Variants in SLCO4C1 observed in about 807,000 individuals in gnomAD.
SLCO4C1 encodes the protein organic anion transporter M1.
In SLCO4C1, 58 loss-of-function variants were observed where a neutral mutation model predicts 72.1. The observed-to-expected ratio is 0.80, with a 90% CI of 0.65 to 1.00. SLCO4C1 has a LOEUF of 1.00. Ranked by LOEUF, SLCO4C1 falls within the 50% of genes least tolerant of loss-of-function variation. The probability of loss-of-function intolerance (pLI) is 0.00; values close to 1 mark genes in which losing one functional copy is unlikely to be tolerated. For missense variants in SLCO4C1, 898 were observed against 857.9 expected (o/e 1.05, Z -0.58); for synonymous variants, 297 against 312.5 (o/e 0.95, Z 0.52).
chr5:102,260,212 C>A lies in SLCO4C1; in HGVS notation c.1128+1G>T. 7.9e-7 allele frequency: 1 copy of A among 1,262,398 alleles called. No individual in the cohort carries two copies. The highest frequency in any genetic ancestry group is 2.2e-5 in the South Asian group (1 of 44,500). The allele number at this position is 1,262,398 out of a possible 1,614,324, so 78.2% of individuals were successfully genotyped here. A position where few individuals can be genotyped will look rare whatever the true frequency, so the allele number is the denominator to read the frequency against. On this transcript the variant is annotated splice_donor_variant, in intron 6 of 12. Transcript: ENST00000310954. LOFTEE classifies it high-confidence loss of function. The stretch of plus-strand genomic sequence containing the variant: ...AGAGACAGAGAAGAATTTTATTTTA[C>A]CTTTAGAGCAGCTGGAAAATCTTTA...
At chr5:102,284,654 T>C (rs985157219) in intron 2 of SLCO4C1, among the ~76,000 whole-genome samples, 1 of 152,026 alleles carries the variant, frequency 6.6e-6, no homozygotes, top group Non-Finnish European at 1.5e-5. Context: ...TCCAAACTCA[T>C]TCAACCATTG....
chr5:102,242,912 A>G (rs535060188), intron 10 of SLCO4C1, among the ~76,000 whole-genome samples: 12 of 152,228 alleles, frequency 7.9e-5, no homozygotes, highest in African/African-American at 2.6e-4. Context: ...GGAGTCCCCA[A>G]TTCCAGAACT....
intron 2 of SLCO4C1, among the ~76,000 whole-genome samples, chr5:102,290,335 C>CA (rs998047122): frequency 6.6e-6 from 1 of 152,208 alleles, no homozygotes; most frequent in African/African-American, 2.4e-5. Flanking sequence ...CGTGAGCCCC[C>CA]ACGCCTAGCT....
chr5:102,287,182 C>T lies in SLCO4C1; in HGVS notation c.619+4161G>A, dbSNP rs1749468654. On this transcript the variant is annotated intron_variant, in intron 2 of 12. Coordinates refer to ENST00000310954, the MANE Select transcript of SLCO4C1 (RefSeq NM_180991.5). ...AATTTACAGGAAGCTTTCAACTAAT[C>T]TGTTTTCTTTTTGCAGTTTCCTTTT... 3.3e-5 allele frequency among the ~76,000 whole-genome samples: 5 copies of T among 152,104 alleles called. No individual in the cohort carries two copies. In the South Asian group the frequency reaches 1.0e-3, roughly 32 times the overall value.
chr5:102,246,776 G>A (rs548213012), intron 10 of SLCO4C1, among the ~76,000 whole-genome samples: 4 of 152,130 alleles, frequency 2.6e-5, no homozygotes, highest in Admixed American at 1.3e-4. Flanking sequence ...TTTGTGCAGT[G>A]GGATACAAGG....
rs1013808892 is a variant in SLCO4C1, at chr5:102,235,159, A to G, written c.*1699T>C. 3 of 152,162 alleles carry G rather than the reference A, an allele frequency of 2.0e-5. No homozygotes were observed. Among genetic ancestry groups the G allele is most frequent in the African/African-American group, 7.2e-5 (3 of 41,448 alleles). 9.4% of individuals were successfully genotyped at this position (152,162 alleles called of 1,614,324 possible). A position where few individuals can be genotyped will look rare whatever the true frequency, so the allele number is the denominator to read the frequency against. On this transcript the variant is annotated 3_prime_UTR_variant, in exon 13 of 13. Transcript: ENST00000310954. ...ACATCGTTGGCCATAGATTACCACA[A>G]AACATAATTTCTTAAATTCTGCAAA...
intron 2 of SLCO4C1, among the ~76,000 whole-genome samples, chr5:102,286,103 CA>C (rs745518541): frequency 1.8e-4 from 28 of 152,076 alleles, no homozygotes; most frequent in South Asian, 1.5e-3. Flanking sequence ...CAAGCATAAC[CA>C]AAGTCCTTTG....
At chr5:102,288,531 T>C (rs1229162704) in intron 2 of SLCO4C1, among the ~76,000 whole-genome samples, 1 of 152,214 alleles carries the variant, frequency 6.6e-6, no homozygotes, top group Non-Finnish European at 1.5e-5. Context: ...TCCCATTTAC[T>C]CTTGTCTCTT....
intron 10 of SLCO4C1, among the ~76,000 whole-genome samples, chr5:102,245,192 G>A (rs1396558935): frequency 6.7e-6 from 1 of 148,308 alleles, no homozygotes; most frequent in African/African-American, 2.6e-5. Flanking sequence ...TTACTTGTTT[G>A]TTTTATCAAT....
intron 1 of SLCO4C1, among the ~76,000 whole-genome samples, chr5:102,295,468 C>T (rs1252535474): frequency 6.6e-6 from 1 of 152,178 alleles, no homozygotes; most frequent in Non-Finnish European, 1.5e-5. Flanking sequence ...ATCCCACTCC[C>T]ACCTGCAAAC....
In SLCO4C1 at chr5:102,257,977, G is replaced by T. The variant is rs148805542; in HGVS notation, c.1239C>A (p.Phe413Leu). The T allele has an allele frequency of 2.5e-6, 4 of 1,606,336 alleles. No homozygotes were observed. Among genetic ancestry groups the T allele is most frequent in the Non-Finnish European group, 3.4e-6 (4 of 1,177,520 alleles). ...TAGCTGCGAAGCTGGATGTCAATCC[G>T]AATTGATTTTCTATAAATTTAGGTA... is the stretch of plus-strand genomic sequence containing the variant. Reference protein sequence around the residue: ...TFLPKFIENQFGLTSSFAATL... With the variant: ...TFLPKFIENQLGLTSSFAATL... Residue 413 changes from phenylalanine (F) to leucine (L), a missense_variant, in exon 7 of 13, where the codon TTC (phenylalanine) becomes TTA (leucine). By Grantham distance (22) the Phe-to-Leu change is conservative. Transcript: ENST00000310954.
chr5:102,266,886 A>G (rs1245944303), intron 3 of SLCO4C1, among the ~76,000 whole-genome samples: 1 of 152,188 alleles, frequency 6.6e-6, no homozygotes, highest in Non-Finnish European at 1.5e-5. Context: ...AGAGATGATC[A>G]TGTGATATTT....
intron 2 of SLCO4C1, among the ~76,000 whole-genome samples, chr5:102,290,857 G>C (rs1214173876): frequency 6.6e-6 from 1 of 152,122 alleles, no homozygotes; most frequent in Non-Finnish European, 1.5e-5. Flanking sequence ...AGCAACTGTA[G>C]GTTGCTCTGA....
At chr5:102,275,275 T>C (rs1749228339) in intron 2 of SLCO4C1, among the ~76,000 whole-genome samples, 1 of 152,052 alleles carries the variant, frequency 6.6e-6, no homozygotes, top group Non-Finnish European at 1.5e-5. Flanking sequence ...AACATAGTTA[T>C]GGGCATATAG....
At position 102,249,519 on chromosome 5, in the gene SLCO4C1, C is replaced by A; in HGVS notation, c.1620+119G>T. On this transcript the variant is annotated intron_variant, in intron 9 of 12. Transcript: ENST00000310954. ...TTTCAGCTGGAGACATCATGGGCTG[C>A]TTAACGGAGGCAATGGAGCAGGAAG... The A allele has an allele frequency of 3.0e-6, 3 of 987,054 alleles. No individual in the cohort carries two copies. In the South Asian group the frequency reaches 4.4e-5, roughly 14 times the overall value. 61.1% of individuals were successfully genotyped at this position (987,054 alleles called of 1,614,324 possible).
intron 1 of SLCO4C1, among the ~76,000 whole-genome samples, chr5:102,293,743 T>C (rs184449189): frequency 2.2e-4 from 30 of 134,784 alleles, no homozygotes; most frequent in African/African-American, 6.8e-4. Flanking sequence ...TTTATTATTA[T>C]ACTTTTTTTT....
chr5:102,259,305 T>G (rs1253671169), intron 6 of SLCO4C1, among the ~76,000 whole-genome samples: 2 of 151,966 alleles, frequency 1.3e-5, no homozygotes, highest in African/African-American at 4.8e-5. Context: ...AAAAAAGTAA[T>G]GGTCAGTAAT....
chr5:102,254,694 CAATA>C lies in SLCO4C1; in HGVS notation c.1469+2417_1469+2420del, dbSNP rs1330928856. Among the ~76,000 whole-genome samples the C allele has an allele frequency of 4.6e-5, 7 of 152,202 alleles. No homozygotes were observed. The East Asian group carries it at 1.2e-3, about 25-fold the overall frequency. ...TCAGATGATTGTCAGCATGTTTCAG[CAATA>C]AATAATTTTTAAATTAAGGTATATA... is the stretch of plus-strand genomic sequence containing the variant. On this transcript the variant is annotated intron_variant, in intron 8 of 12. Transcript: ENST00000310954.
intron 7 of SLCO4C1, 57 bp from the exon 8 acceptor site, chr5:102,257,367 C>G (rs1748856626): frequency 7.5e-6 from 10 of 1,336,452 alleles, no homozygotes; most frequent in Admixed American, 2.7e-5. Context: ...CTCACTCATA[C>G]TGACAACTGG....
Sources: allele counts gnomAD v4.1 joint callset (sites outside exome capture counted in the v4.1 genomes callset), GRCh38; gene constraint gnomAD v4.1.1; transcripts MANE v1.5; gene names NCBI Gene and HGNC (gene_info 2026-07-23, HGNC 2026-07-21).